The following TEAD4 variants were observed in gnomAD, a reference collection of about 807,000 sequenced individuals.
TEAD4 encodes transcriptional enhancer factor TEF-3.
Under a neutral mutation model 52.4 loss-of-function variants are expected in TEAD4, and 36 were observed. That is an observed-to-expected ratio of 0.69 (90% CI 0.53 to 0.91). The LOEUF (loss-of-function observed/expected upper bound fraction) is 0.91. TEAD4 is among the 40% of genes least tolerant of loss of function. TEAD4 has a pLI of 0.00. For missense variants in TEAD4, 508 were observed against 583.9 expected (o/e 0.87, Z 1.34); for synonymous variants, 220 against 231.0 (o/e 0.95, Z 0.43).
At chr12:3,023,790 CAAAA>C (rs71057878) in intron 10 of TEAD4, among the ~76,000 whole-genome samples, 1 of 132,040 alleles carries the variant, frequency 7.6e-6, no homozygotes, top group Non-Finnish European at 1.6e-5. Flanking sequence ...GAGACTGTCT[CAAAA>C]AAAAAAAAAA....
chr12:3,034,702 G>A (rs1174646686), intron 10 of TEAD4, among the ~76,000 whole-genome samples: 1 of 152,216 alleles, frequency 6.6e-6, no homozygotes, highest in Non-Finnish European at 1.5e-5. Context: ...GGAAGCTGAG[G>A]CAGGAGGATC....
intron 2 of TEAD4, among the ~76,000 whole-genome samples, chr12:2,969,316 AG>A (rs1356947504): frequency 6.6e-6 from 1 of 152,252 alleles, no homozygotes; most frequent in African/African-American, 2.4e-5. Flanking sequence ...AATGATTTAA[AG>A]CACATGGGAG....
intron 10 of TEAD4, among the ~76,000 whole-genome samples, chr12:3,032,374 G>A (rs1384957091): frequency 2.0e-5 from 3 of 152,280 alleles, no homozygotes; most frequent in Admixed American, 6.5e-5. Context: ...CACTCTGGAT[G>A]GGAGGATCCA....
At chr12:3,005,718 C>G (rs2153956190) in intron 3 of TEAD4, among the ~76,000 whole-genome samples, 2 of 152,222 alleles carry the variant, frequency 1.3e-5, no homozygotes, top group Middle Eastern at 6.8e-3. Context: ...CCAAGATGGT[C>G]TCAATCTCCT....
intron 8 of TEAD4, 124 bp from the exon 9 acceptor site, chr12:3,020,510 A>T: frequency 8.2e-7 from 1 of 1,215,952 alleles, no homozygotes; most frequent in South Asian, 2.2e-5. Context: ...AGGTCCATTT[A>T]GGGAGACAGG....
chr12:2,975,183 C>A (rs7302843), intron 2 of TEAD4, among the ~76,000 whole-genome samples: 108,288 of 139,590 alleles, frequency 0.78, 41,235 homozygotes, highest in Non-Finnish European at 0.83. Context: ...AACAAACAAA[C>A]AAAAAAAGAC....
At chr12:2,992,057 C>T (rs1476636946) in intron 2 of TEAD4, among the ~76,000 whole-genome samples, 4 of 133,794 alleles carry the variant, frequency 3.0e-5, no homozygotes, top group African/African-American at 5.2e-5. Context: ...CTCGCTCTGT[C>T]GCCCAGGCTG....
chr12:3,013,088 A>C (rs992190648), intron 5 of TEAD4, among the ~76,000 whole-genome samples: 2 of 152,052 alleles, frequency 1.3e-5, no homozygotes, highest in African/African-American at 2.4e-5. Flanking sequence ...AGTATCTGGG[A>C]CCACAGGCAA....
chr12:3,001,881 A>G lies in TEAD4; in HGVS notation c.226+6889A>G, dbSNP rs544634707. On this transcript the variant is annotated intron_variant, in intron 3 of 12. Coordinates refer to ENST00000359864, the MANE Select transcript of TEAD4 (RefSeq NM_003213.4). ...CAAGGCGGGCAGATCACTCGAGGTCAGGAGTTCGAGACCAGCCTGACCAAC... is the reference window on the plus strand; with the variant it reads ...CAAGGCGGGCAGATCACTCGAGGTCGGGAGTTCGAGACCAGCCTGACCAAC... 7.9e-5 allele frequency among the ~76,000 whole-genome samples: 12 copies of G among 152,292 alleles called. No homozygotes were observed. In the South Asian group the frequency reaches 2.5e-3, roughly 32 times the overall value.
intron 2 of TEAD4, among the ~76,000 whole-genome samples, chr12:2,966,547 A>G (rs1034996957): frequency 2.0e-5 from 3 of 150,312 alleles, no homozygotes; most frequent in Non-Finnish European, 4.4e-5. Flanking sequence ...AGTAGCTGGG[A>G]TTACAAGCAC....
intron 2 of TEAD4, among the ~76,000 whole-genome samples, chr12:2,981,774 CA>C (rs1220566259): frequency 6.6e-6 from 1 of 152,122 alleles, no homozygotes; most frequent in Admixed American, 6.6e-5. Context: ...GTGAGAAGCC[CA>C]GGGGTGCTGG....
At chr12:3,017,947 A>C (rs1591589991) in intron 6 of TEAD4, among the ~76,000 whole-genome samples, 1 of 151,704 alleles carries the variant, frequency 6.6e-6, no homozygotes, top group African/African-American at 2.4e-5. Context: ...CCAAAAACAA[A>C]CCCCTGGTCA....
chr12:3,031,274 C>G lies in TEAD4; in HGVS notation c.898-6694C>G, dbSNP rs375057886. 3.3e-4 allele frequency among the ~76,000 whole-genome samples: 50 copies of G among 152,260 alleles called. No individual in the cohort carries two copies. The South Asian group carries it at 9.5e-3, about 29-fold the overall frequency. ...CTGTCCAGGCTCAGCCCTGACTCAGCGGAAGGAGCTTAGGCGAGCTGATCT... is the reference window on the plus strand; with the variant it reads ...CTGTCCAGGCTCAGCCCTGACTCAGGGGAAGGAGCTTAGGCGAGCTGATCT... On this transcript the variant is annotated intron_variant, in intron 10 of 12. Coordinates refer to ENST00000359864, the MANE Select transcript of TEAD4 (RefSeq NM_003213.4).
At chr12:3,000,088 C>T (rs1237755768) in intron 3 of TEAD4, among the ~76,000 whole-genome samples, 1 of 152,126 alleles carries the variant, frequency 6.6e-6, no homozygotes, top group East Asian at 1.9e-4. Context: ...GGGCTGAGGC[C>T]GTGTGGTCTC....
chr12:2,983,154 A>G (rs934018795), intron 2 of TEAD4, among the ~76,000 whole-genome samples: 1 of 152,230 alleles, frequency 6.6e-6, no homozygotes, highest in Non-Finnish European at 1.5e-5. Flanking sequence ...AAGAGGCCTC[A>G]GGTATTAAAA....
intron 2 of TEAD4, among the ~76,000 whole-genome samples, chr12:2,985,592 G>C (rs867729000): frequency 1.7e-5 from 2 of 119,888 alleles, no homozygotes; most frequent in Non-Finnish European, 3.2e-5. Context: ...TGCAACCTCC[G>C]CCTCCCGGGT....
intron 10 of TEAD4, among the ~76,000 whole-genome samples, chr12:3,029,485 G>A (rs12318383): frequency 0.1 from 15,645 of 152,038 alleles, 913 homozygotes; most frequent in Non-Finnish European, 0.12. Context: ...TGATCCACCA[G>A]CCTCGGCCTC....
chr12:3,001,564 G>C (rs981101912), intron 3 of TEAD4, among the ~76,000 whole-genome samples: 18 of 152,160 alleles, frequency 1.2e-4, no homozygotes, highest in African/African-American at 4.3e-4. Context: ...GAGGTCAGGA[G>C]TTTGAGACCA....
At chr12:2,999,742 A>G (rs1465305636) in intron 3 of TEAD4, among the ~76,000 whole-genome samples, 6 of 148,730 alleles carry the variant, frequency 4.0e-5, no homozygotes, top group African/African-American at 1.6e-4. Context: ...CAGTCGGCCT[A>G]GCCTAGCGTG....
Sources: gnomAD v4.1 joint callset for allele counts (sites outside exome capture counted in the v4.1 genomes callset) on GRCh38, gnomAD v4.1.1 for gene constraint, MANE v1.5 for transcripts, NCBI Gene and HGNC (gene_info 2026-07-23, HGNC 2026-07-21) for gene names.